The following SHISA9 variants were observed in gnomAD, a reference collection of about 807,000 sequenced individuals.
The protein encoded by SHISA9 is shisa family member 9.
Under a neutral mutation model 38.0 loss-of-function variants are expected in SHISA9, and 13 were observed. The observed-to-expected ratio is 0.34, with a 90% CI of 0.22 to 0.54. SHISA9 has a LOEUF of 0.54. Among genes scored for constraint, SHISA9 ranks in the 20% least tolerant of loss-of-function variants. The probability of loss-of-function intolerance (pLI) is 0.91; values close to 1 mark genes in which losing one functional copy is unlikely to be tolerated. For missense variants in SHISA9, 538 were observed against 575.8 expected (o/e 0.93, Z 0.67); for synonymous variants, 275 against 242.0 (o/e 1.14, Z -1.27).
At chr16:13,047,421 A>T (rs1196535000) in intron 2 of SHISA9, among the ~76,000 whole-genome samples, 1 of 152,038 alleles carries the variant, frequency 6.6e-6, no homozygotes, top group Non-Finnish European at 1.5e-5. Flanking sequence ...CCAGCCCCAG[A>T]TTGTGGCAGA....
chr16:13,203,095 A>C (rs2051021824), intron 2 of SHISA9: 1 of 226,594 alleles, frequency 4.4e-6, no homozygotes, highest in African/African-American at 2.3e-5. Flanking sequence ...TTTTATACAA[A>C]TATCATTTCA....
the SHISA9 span, among the ~76,000 whole-genome samples, chr16:13,429,014 G>A: frequency 2.2e-4 from 33 of 152,046 alleles, no homozygotes; most frequent in East Asian, 3.9e-4. Flanking sequence ...TTATCTGCCC[G>A]CCTCAGCCTC....
intron 1 of SHISA9, chr16:12,911,238 C>T (rs2141714405): frequency 6.1e-6 from 6 of 983,300 alleles, no homozygotes; most frequent in Non-Finnish European, 7.2e-6. Context: ...ACAAGATCCC[C>T]AGGTGATCTG....
At chr16:12,986,134 A>C (rs1022678924) in intron 2 of SHISA9, among the ~76,000 whole-genome samples, 2 of 152,158 alleles carry the variant, frequency 1.3e-5, no homozygotes, top group African/African-American at 4.8e-5. Context: ...TTTTTAAATA[A>C]ATTGCTCATA....
chr16:13,175,444 G>A (rs1001606364), intron 2 of SHISA9, among the ~76,000 whole-genome samples: 3 of 152,114 alleles, frequency 2.0e-5, no homozygotes, highest in African/African-American at 7.2e-5. Context: ...ATGCTATAAG[G>A]AGTAAATGAG....
At chr16:13,516,733 G>A in the SHISA9 span, among the ~76,000 whole-genome samples, 8 of 151,058 alleles carry the variant, frequency 5.3e-5, no homozygotes, top group Non-Finnish European at 7.4e-5. Flanking sequence ...CCGAGGCAGA[G>A]TTTGCAGTGA....
chr16:13,414,198 CT>C, the SHISA9 span, among the ~76,000 whole-genome samples: 2 of 152,098 alleles, frequency 1.3e-5, no homozygotes, highest in Admixed American at 1.3e-4. Flanking sequence ...TCTTTTTTTA[CT>C]TCTTAATTTA....
the SHISA9 span, among the ~76,000 whole-genome samples, chr16:13,277,632 G>A: frequency 6.6e-6 from 1 of 151,400 alleles, no homozygotes; most frequent in Non-Finnish European, 1.5e-5. Context: ...GAGGTTTTCG[G>A]ACTCCTTGTT....
the SHISA9 span, among the ~76,000 whole-genome samples, chr16:13,353,147 C>T: frequency 3.3e-5 from 5 of 151,760 alleles, no homozygotes; most frequent in South Asian, 2.1e-4. Flanking sequence ...GGATTGGGGG[C>T]GGTGTGGGAA....
intron 2 of SHISA9, among the ~76,000 whole-genome samples, chr16:13,067,120 A>G (rs56815988): frequency 0.02 from 3,089 of 152,246 alleles, 114 homozygotes; most frequent in African/African-American, 0.071. Flanking sequence ...GGAGAATTAA[A>G]CTTTGAAGTG....
the SHISA9 span, among the ~76,000 whole-genome samples, chr16:13,323,756 G>A: frequency 6.6e-6 from 1 of 152,170 alleles, no homozygotes; most frequent in Non-Finnish European, 1.5e-5. Flanking sequence ...GATCTTGTGA[G>A]AATTCACTCA....
intron 2 of SHISA9, among the ~76,000 whole-genome samples, chr16:12,958,058 A>T (rs952959525): frequency 5.3e-5 from 8 of 152,222 alleles, no homozygotes; most frequent in African/African-American, 1.9e-4. Flanking sequence ...CACAGATAAA[A>T]GCAGTTTAAT....
intron 2 of SHISA9, among the ~76,000 whole-genome samples, chr16:13,021,128 C>G (rs999768368): frequency 6.6e-6 from 1 of 152,198 alleles, no homozygotes; most frequent in African/African-American, 2.4e-5. Context: ...TCCTTGAGTG[C>G]TAGACCTCTC....
the SHISA9 span, among the ~76,000 whole-genome samples, chr16:13,491,817 CCTTT>C: frequency 2.1e-5 from 1 of 46,892 alleles, no homozygotes; most frequent in Admixed American, 2.4e-4. Context: ...TATTTATTGA[CCTTT>C]TTTTTTTTTT....
intron 3 of SHISA9, chr16:13,204,667 T>C (rs1193465124): frequency 1.3e-5 from 2 of 152,274 alleles, no homozygotes; most frequent in African/African-American, 2.4e-5. Flanking sequence ...CTGGGGCTGC[T>C]ACTAATGGAG....
chr16:13,196,433 C>T (rs1366157133), intron 2 of SHISA9, among the ~76,000 whole-genome samples: 1 of 151,332 alleles, frequency 6.6e-6, no homozygotes, highest in Non-Finnish European at 1.5e-5. Context: ...AAAGTCCATT[C>T]TACAAGATAT....
chr16:13,102,193 C>T (rs1165057943), intron 2 of SHISA9, among the ~76,000 whole-genome samples: 1 of 152,196 alleles, frequency 6.6e-6, no homozygotes, highest in African/African-American at 2.4e-5. Context: ...ACATGCTCAA[C>T]CCTAGGACTA....
intron 2 of SHISA9, among the ~76,000 whole-genome samples, chr16:12,977,331 T>C (rs2072177171): frequency 1.3e-5 from 2 of 152,084 alleles, no homozygotes. Context: ...GGGAATCAGG[T>C]AAGACTTCTT....
the SHISA9 span, among the ~76,000 whole-genome samples, chr16:13,300,139 C>T: frequency 6.6e-6 from 1 of 152,196 alleles, no homozygotes; most frequent in African/African-American, 2.4e-5. Flanking sequence ...GTGATGGAGG[C>T]AGGAAGAACA....
Sources: gnomAD v4.1 joint callset for allele counts (sites outside exome capture counted in the v4.1 genomes callset) on GRCh38, gnomAD v4.1.1 for gene constraint, MANE v1.5 for transcripts, NCBI Gene and HGNC (gene_info 2026-07-23, HGNC 2026-07-21) for gene names.